The following NIPAL3 variants were observed in gnomAD, a reference collection of about 807,000 sequenced individuals.
NIPAL3 encodes the protein NIPA-like protein 3.
A neutral mutation model predicts 47.2 loss-of-function variants in NIPAL3; 41 were observed. The ratio of observed to expected loss-of-function variants is 0.87; its 90% CI spans 0.68 to 1.13. The LOEUF (loss-of-function observed/expected upper bound fraction) is 1.13, where lower values mean the gene tolerates loss of function less well. Among genes scored for constraint, NIPAL3 ranks in the 50% most tolerant of loss-of-function variants. The pLI is 0.00. For synonymous variants in NIPAL3, 194 were observed against 209.6 expected (o/e 0.93, Z 0.64); for missense variants, 449 against 530.1 (o/e 0.85, Z 1.50).
At chr1:24,455,055 C>T (rs759730850) in intron 7 of NIPAL3, among the ~76,000 whole-genome samples, 8 of 152,198 alleles carry the variant, frequency 5.3e-5, no homozygotes, top group Non-Finnish European at 7.3e-5. Flanking sequence ...TGGTTGCTGA[C>T]GTTTGGAAAC....
chr1:24,455,608 C>T (rs1198234813), intron 7 of NIPAL3, among the ~76,000 whole-genome samples: 3 of 151,692 alleles, frequency 2.0e-5, no homozygotes, highest in African/African-American at 7.3e-5. Flanking sequence ...AGCTTGAGCC[C>T]AAGAATTCAA....
At chr1:24,421,006 A>G (rs1269836945) in intron 2 of NIPAL3, among the ~76,000 whole-genome samples, 1 of 152,174 alleles carries the variant, frequency 6.6e-6, no homozygotes, top group Non-Finnish European at 1.5e-5. Flanking sequence ...ACTGGGATTT[A>G]TTGAAAATTA....
chr1:24,470,621 A>T lies in NIPAL3; in HGVS notation c.*1436A>T, dbSNP rs551476134. 1.3e-5 allele frequency: 2 copies of T among 152,358 alleles called. No homozygotes were observed. The highest frequency in any genetic ancestry group is 2.9e-5 in the Non-Finnish European group (2 of 68,050). The allele number at this position is 152,358 out of a possible 1,614,324, so 9.4% of individuals were successfully genotyped here. ...AGGATCTGTGGCATTTCTCCATCCA[A>T]TGAATACTACTTAGAGCTACACTCA... On this transcript the variant is annotated 3_prime_UTR_variant, in exon 12 of 12. Coordinates refer to ENST00000374399, the MANE Select transcript of NIPAL3 (RefSeq NM_020448.5).
At chr1:24,466,287 A>G (rs1050124495) in intron 11 of NIPAL3, 1 of 443,888 alleles carries the variant, frequency 2.3e-6, no homozygotes, top group Non-Finnish European at 4.0e-6. Context: ...ATGGGAAGAA[A>G]AGGGTTTTTT....
intron 2 of NIPAL3, among the ~76,000 whole-genome samples, chr1:24,438,348 G>T (rs1284382411): frequency 1.3e-5 from 2 of 151,758 alleles, no homozygotes; most frequent in African/African-American, 2.4e-5. Context: ...GACTAGACTG[G>T]GGTCCCCTGG....
At chr1:24,419,745 C>G in intron 2 of NIPAL3, 105 bp downstream of exon 2, 1 of 968,250 alleles carries the variant, frequency 1.0e-6, no homozygotes, top group Non-Finnish European at 1.6e-6. Context: ...ATGCCTGTCA[C>G]TGGTAGAAAC....
chr1:24,468,412 G>C (rs1001420469), intron 11 of NIPAL3, among the ~76,000 whole-genome samples: 4 of 152,186 alleles, frequency 2.6e-5, no homozygotes, highest in African/African-American at 9.7e-5. Flanking sequence ...AAAGATTAAA[G>C]GCTTTGCCCT....
At chr1:24,455,679 A>G (rs113501475) in intron 7 of NIPAL3, among the ~76,000 whole-genome samples, 162 of 152,024 alleles carry the variant, frequency 1.1e-3, no homozygotes, top group African/African-American at 3.8e-3. Context: ...AAAAAATACA[A>G]CAACAACAAA....
At chr1:24,462,692 G>T (rs9424365) in intron 10 of NIPAL3, among the ~76,000 whole-genome samples, 1,925 of 152,150 alleles carry the variant, frequency 0.013, 37 homozygotes, top group African/African-American at 0.041. Context: ...GATTGAACCC[G>T]AGCGGCAGAG....
rs966184868 is a variant in NIPAL3 at position 24,471,093 on chromosome 1, A to G, written c.*1908A>G. On this transcript the variant is annotated 3_prime_UTR_variant, in exon 12 of 12. Transcript: ENST00000374399. Reference sequence around the variant, plus strand: ...GGTCGGACCCTGAGCCCAAAGGGGTATTCAGAAGTGGAGATGATTTTGGCC... The same window carrying G: ...GGTCGGACCCTGAGCCCAAAGGGGTGTTCAGAAGTGGAGATGATTTTGGCC... 1 of 152,264 alleles carries G rather than the reference A, an allele frequency of 6.6e-6. No homozygotes were observed. The highest frequency in any genetic ancestry group is 2.4e-5 in the African/African-American group (1 of 41,454). 9.4% of individuals were successfully genotyped at this position (152,264 alleles called of 1,614,324 possible).
chr1:24,466,795 T>A (rs572994780), intron 11 of NIPAL3, among the ~76,000 whole-genome samples: 46 of 152,326 alleles, frequency 3.0e-4, no homozygotes, highest in Admixed American at 2.6e-3. Flanking sequence ...CTCTCTTCCC[T>A]GAGAACGGGC....
intron 5 of NIPAL3, among the ~76,000 whole-genome samples, chr1:24,445,852 A>G (rs1461984084): frequency 3.3e-5 from 5 of 152,104 alleles, no homozygotes; most frequent in African/African-American, 1.2e-4. Flanking sequence ...TAATTTTTTT[A>G]TTTTTTTAAG....
rs115830525 is a variant in NIPAL3 at position 24,463,681 on chromosome 1, G to A, written c.927-345G>A. The stretch of plus-strand genomic sequence containing the variant: ...TACTTCAGTAATGATTGAAATGAAT[G>A]ACTTCAATTTAAGAAAATGTTTTAA... On this transcript the variant is annotated intron_variant, in intron 10 of 11. Transcript: ENST00000374399. Among the ~76,000 whole-genome samples, 1,379 of 152,266 alleles carry A rather than the reference G, an allele frequency of 9.1e-3. 24 individuals carry two copies. Among genetic ancestry groups the A allele is most frequent in the African/African-American group, 0.032 (1,344 of 41,556 alleles).
chr1:24,415,721 G>C, upstream of NIPAL3: 1 of 488,358 alleles, frequency 2.0e-6, no homozygotes, highest in Non-Finnish European at 2.7e-6. Flanking sequence ...CGAAATGCCT[G>C]CCAACTTCTG....
chr1:24,468,882 T>TC (rs2148870604), intron 11 of NIPAL3, 104 bp from the exon 12 acceptor site: 1 of 1,008,920 alleles, frequency 9.9e-7, no homozygotes, highest in Non-Finnish European at 1.5e-6. Context: ...TGCACATGAT[T>TC]AGCTGCTGAG....
At chr1:24,419,260 G>A in intron 1 of NIPAL3, 31 bp from the exon 2 acceptor site, 1 of 1,067,932 alleles carries the variant, frequency 9.4e-7, no homozygotes, top group Non-Finnish European at 1.1e-6. Context: ...CCTTGTCCAT[G>A]CATTTTTAAT....
At chr1:24,453,119 A>C (rs1463905796) in intron 6 of NIPAL3, among the ~76,000 whole-genome samples, 1 of 152,124 alleles carries the variant, frequency 6.6e-6, no homozygotes, top group Non-Finnish European at 1.5e-5. Flanking sequence ...AGCCTGATGC[A>C]TCTTGGCCCT....
rs1645842380 is a variant in NIPAL3 at position 24,449,650 on chromosome 1, C to A, written c.540+24C>A. The A allele has an allele frequency of 6.2e-7, 1 of 1,603,752 alleles. No homozygotes were observed. Among genetic ancestry groups the A allele is most frequent in the African/African-American group, 1.3e-5 (1 of 74,888 alleles). ...TGGTAAGAGAAGCCTCCAGTCGTTC[C>A]CCCTGAGATGGCAGGAGGGAGATCA... On this transcript the variant is annotated intron_variant, in intron 6 of 11. Coordinates refer to ENST00000374399, the MANE Select transcript of NIPAL3 (RefSeq NM_020448.5). The surrounding 1 kb of genome is among the most constrained non-coding windows in gnomAD (Gnocchi z 4.5).
At position 24,451,035 on chromosome 1, in the gene NIPAL3, TGG is replaced by T. The variant is rs1372467665; in HGVS notation, c.540+1410_540+1411del. The stretch of plus-strand genomic sequence containing the variant: ...AGCCCAAGACTTCCTAAGTGCTGTG[TGG>T]CCTTAGCCAAGTCGCTTTCCTTCTC... On this transcript the variant is annotated intron_variant, in intron 6 of 11. Coordinates refer to ENST00000374399, the MANE Select transcript of NIPAL3 (RefSeq NM_020448.5). This position sits in a 1 kb window ranked among gnomAD's most constrained non-coding sequence, Gnocchi z 4.5. 6.6e-6 allele frequency among the ~76,000 whole-genome samples: 1 copy of T among 152,240 alleles called. No homozygotes were observed. Among genetic ancestry groups the T allele is most frequent in the African/African-American group, 2.4e-5 (1 of 41,462 alleles).
Sources: gnomAD v4.1 joint callset for allele counts (sites outside exome capture counted in the v4.1 genomes callset) on GRCh38, gnomAD v4.1.1 for gene constraint, Gnocchi (gnomAD v3.1) non-coding constraint, MANE v1.5 for transcripts, NCBI Gene and HGNC (gene_info 2026-07-23, HGNC 2026-07-21) for gene names.